PTPRB: variants seen among roughly 807,000 people sequenced by gnomAD.
The protein encoded by PTPRB is protein tyrosine phosphatase receptor type B.
A neutral mutation model predicts 238.1 loss-of-function variants in PTPRB; 97 were observed. The observed-to-expected ratio is 0.41, with a 90% CI of 0.35 to 0.48. The LOEUF (loss-of-function observed/expected upper bound fraction) is 0.48. PTPRB is among the 20% of genes least tolerant of loss of function. PTPRB has a pLI of 0.30. For missense variants in PTPRB, 2,292 were observed against 2,681.9 expected (o/e 0.85, Z 3.21); for synonymous variants, 970 against 995.4 (o/e 0.97, Z 0.48).
intron 3 of PTPRB, among the ~76,000 whole-genome samples, chr12:70,620,184 A>G (rs1884864956): frequency 6.6e-6 from 1 of 152,350 alleles, no homozygotes; most frequent in Non-Finnish European, 1.5e-5. Context: ...GGGAGCTCAT[A>G]TAAACACTGC....
chr12:70,597,804 C>G (rs1883160971), intron 4 of PTPRB, among the ~76,000 whole-genome samples: 1 of 152,020 alleles, frequency 6.6e-6, no homozygotes. Context: ...AATAAGATAG[C>G]CTTACTCTAT....
intron 4 of PTPRB, among the ~76,000 whole-genome samples, chr12:70,606,052 G>C (rs1331459568): frequency 6.6e-6 from 1 of 152,160 alleles, no homozygotes; most frequent in Non-Finnish European, 1.5e-5. Context: ...CCTGAGAATT[G>C]CCAAATATCT....
At chr12:70,535,032 A>ATGTC in intron 29 of PTPRB, 77 bp from the exon 30 acceptor site, 1 of 1,493,288 alleles carries the variant, frequency 6.7e-7, no homozygotes, top group Non-Finnish European at 9.0e-7. Context: ...CCTCCTCTAA[A>ATGTC]TGTCTTCCAA....
At chr12:70,607,894 T>G (rs1040820631) in intron 4 of PTPRB, among the ~76,000 whole-genome samples, 3 of 152,114 alleles carry the variant, frequency 2.0e-5, no homozygotes, top group Non-Finnish European at 4.4e-5. Flanking sequence ...TCTTTTCAAC[T>G]TAAGATGCTG....
chr12:70,533,520 C>T (rs1217858495), intron 31 of PTPRB, among the ~76,000 whole-genome samples: 1 of 152,124 alleles, frequency 6.6e-6, no homozygotes, highest in Non-Finnish European at 1.5e-5. Context: ...ATTTTCTGGA[C>T]AGACTGAAGC....
At chr12:70,551,464 C>T (rs923666383) in intron 21 of PTPRB, among the ~76,000 whole-genome samples, 10 of 152,116 alleles carry the variant, frequency 6.6e-5, no homozygotes, top group Admixed American at 6.5e-4. Flanking sequence ...AAACATCTGT[C>T]TGACTTTTTT....
intron 32 of PTPRB, among the ~76,000 whole-genome samples, chr12:70,528,620 A>G (rs1872736667): frequency 6.6e-6 from 1 of 152,198 alleles, no homozygotes; most frequent in Non-Finnish European, 1.5e-5. Context: ...AGCCTGGTGA[A>G]CATAGTGAGA....
At chr12:70,588,019 G>C (rs989903202) in intron 8 of PTPRB, among the ~76,000 whole-genome samples, 1 of 150,444 alleles carries the variant, frequency 6.6e-6, no homozygotes, top group African/African-American at 2.4e-5. Flanking sequence ...TTGCTTAAGT[G>C]GGGGAGGTGG....
chr12:70,624,292 A>G (rs886881531), intron 2 of PTPRB, among the ~76,000 whole-genome samples: 2 of 152,134 alleles, frequency 1.3e-5, no homozygotes, highest in African/African-American at 4.8e-5. Flanking sequence ...TTCAAATGTA[A>G]CCGAGTGCTG....
At chr12:70,612,857 C>T (rs1884519684) in intron 3 of PTPRB, among the ~76,000 whole-genome samples, 2 of 151,840 alleles carry the variant, frequency 1.3e-5, no homozygotes, top group South Asian at 2.1e-4. Flanking sequence ...TGCTGTGGTG[C>T]GTGCCTGTAA....
intron 32 of PTPRB, among the ~76,000 whole-genome samples, chr12:70,524,927 G>GTGTATATGTA (rs1872179838): frequency 6.7e-6 from 1 of 149,036 alleles, no homozygotes; most frequent in African/African-American, 2.6e-5. Context: ...GTATATATGT[G>GTGTATATGTA]TGTATATGTA....
chr12:70,546,104 T>C (rs1328383390), intron 21 of PTPRB, among the ~76,000 whole-genome samples: 2 of 141,506 alleles, frequency 1.4e-5, no homozygotes, highest in Non-Finnish European at 3.0e-5. Flanking sequence ...GCCACTGCAC[T>C]CCAGCCTGGG....
intron 7 of PTPRB, among the ~76,000 whole-genome samples, chr12:70,590,986 A>G (rs1882440884): frequency 8.1e-6 from 1 of 123,778 alleles, no homozygotes; most frequent in Non-Finnish European, 1.6e-5. Context: ...CTCTATTGCT[A>G]GGCTGGAGTG....
chr12:70,528,618 G>C (rs673011), intron 32 of PTPRB, among the ~76,000 whole-genome samples: 147,106 of 152,212 alleles, frequency 0.97, 71,125 homozygotes, highest in East Asian at 1. Flanking sequence ...CTAGCCTGGT[G>C]AACATAGTGA....
Position 70,590,013 on chromosome 12 carries a change from A to G in PTPRB, c.2001T>C (p.Ile667=). The G allele has an allele frequency of 6.2e-7, 1 of 1,613,960 alleles. No homozygotes were observed. Residue 667 remains isoleucine, a synonymous_variant, in exon 8 of 34, where the codon ATT becomes ATC. Transcript: ENST00000334414. ...VPGRQYEVEV[I]VESGNLKNSE... ...AATTCTTCAAATTTCCACTCTCAAC[A>G]ATGACTTCCACCTCATACTGTCTTC... is the stretch of plus-strand genomic sequence containing the variant.
chr12:70,582,308 T>C (rs1881477581), intron 9 of PTPRB, among the ~76,000 whole-genome samples: 1 of 152,088 alleles, frequency 6.6e-6, no homozygotes, highest in Non-Finnish European at 1.5e-5. Context: ...TCAGATTCAA[T>C]TCTAAAGATT....
At position 70,602,753 on chromosome 12, in the gene PTPRB, C is replaced by T. The variant is rs537672385; in HGVS notation, c.979+6316G>A. On this transcript the variant is annotated intron_variant, in intron 4 of 33. Transcript: ENST00000334414. ...GATGAGTACATGGTAGTTCATTATA[C>T]TATCCTTTTTTACCCTTTTAGGTAC... is the stretch of plus-strand genomic sequence containing the variant. 2.8e-4 allele frequency among the ~76,000 whole-genome samples: 43 copies of T among 152,232 alleles called. 1 individual carries two copies. Among genetic ancestry groups the T allele is most frequent in the Admixed American group, 1.9e-3 (29 of 15,296 alleles).
Position 70,536,061 on chromosome 12 carries a change from G to T in PTPRB, c.6045C>A (p.Asn2015Lys), listed in dbSNP as rs529751141. The stretch of plus-strand genomic sequence containing the variant: ...CAACACACTGGGTCACCATGACGAT[G>T]TTGTGAACGTTTTGTTCCCACACCA... ...WKMVWEQNVH[N>K]IVMVTQCVEK... The change falls in exon 29 of 34, where the codon AAC (asparagine) becomes AAA (lysine). Residue 2015 changes from asparagine (N) to lysine (K), a missense_variant. By Grantham distance (94) the Asn-to-Lys change is moderately conservative. Around this residue, in one of 4 missense-constraint regions of PTPRB, gnomAD observed 397 missense variants for 502.0 expected, o/e 0.79. Transcript: ENST00000334414. The T allele has an allele frequency of 6.2e-7, 1 of 1,613,816 alleles. No homozygotes were observed. Among genetic ancestry groups the T allele is most frequent in the African/African-American group, 1.3e-5 (1 of 75,042 alleles).
In PTPRB at chr12:70,581,195, G is replaced by T; in HGVS notation, c.2419C>A (p.Leu807Met). ...QGDVEFYQVL[L>M]IHENVVIKNE... ...TTAATGACCACATTTTCATGGATCA[G>T]TAAGACTTGGTAAAATTCTACGTCT... Residue 807 changes from leucine (L) to methionine (M), a missense_variant, in exon 10 of 34, where the codon CTG (leucine) becomes ATG (methionine). Transcript: ENST00000334414. The T allele has an allele frequency of 6.2e-7, 1 of 1,614,006 alleles. No homozygotes were observed. The highest frequency in any genetic ancestry group is 1.3e-5 in the African/African-American group (1 of 75,056).
Sources: gnomAD v4.1 joint callset for allele counts (sites outside exome capture counted in the v4.1 genomes callset) on GRCh38, gnomAD v4.1.1 for gene constraint, gnomAD v4.1.1 regional missense constraint, MANE v1.5 for transcripts, NCBI Gene and HGNC (gene_info 2026-07-23, HGNC 2026-07-21) for gene names.